Variants in FHOD3 observed in about 807,000 individuals in gnomAD.
FHOD3 encodes the protein formin homology 2 domain containing 3.
In FHOD3, 90 loss-of-function variants were observed where a neutral mutation model predicts 173.0. The ratio of observed to expected loss-of-function variants is 0.52; its 90% CI spans 0.44 to 0.62. The LOEUF is 0.62. Ranked by LOEUF, FHOD3 falls within the 20% of genes least tolerant of loss-of-function variation. FHOD3 has a pLI of 0.00. For synonymous variants in FHOD3, 828 were observed against 823.0 expected, an observed-to-expected ratio of 1.01 and a Z score of -0.10; for missense variants, 1,945 against 2,034.7, an observed-to-expected ratio of 0.96 and a Z score of 0.85.
In FHOD3 at chr18:36,746,906, C is replaced by T. The variant is rs375444474; in HGVS notation, c.4042-39C>T. On this transcript the variant is annotated intron_variant, in intron 23 of 28. Coordinates refer to ENST00000590592, the MANE Select transcript of FHOD3 (RefSeq NM_001281740.3). ...TCTCTCAGTTCAGGCTGGTGTCCGG[C>T]GGTTTCAGTGTTTGCAGTGTTCTCG... 133 of 1,504,342 alleles carry T rather than the reference C, an allele frequency of 8.8e-5. 1 individual carries two copies. Among genetic ancestry groups the T allele is most frequent in the Non-Finnish European group, 1.0e-4 (117 of 1,115,430 alleles). The allele number at this position is 1,504,342 out of a possible 1,614,324, so 93.2% of individuals were successfully genotyped here. A position where few individuals can be genotyped will look rare whatever the true frequency, so the allele number is the denominator to read the frequency against.
At chr18:36,613,369 G>A (rs921257519) in intron 9 of FHOD3, among the ~76,000 whole-genome samples, 14 of 152,172 alleles carry the variant, frequency 9.2e-5, no homozygotes, top group African/African-American at 2.9e-4. Context: ...TTCCCTGTGG[G>A]TTAATTTTAG....
chr18:36,702,598 C>T (rs1354931870), intron 17 of FHOD3, among the ~76,000 whole-genome samples: 1 of 152,186 alleles, frequency 6.6e-6, no homozygotes, highest in Non-Finnish European at 1.5e-5. Flanking sequence ...TAAGACCTGC[C>T]AGAAAGCCAA....
intron 5 of FHOD3, among the ~76,000 whole-genome samples, chr18:36,545,445 G>T (rs2057376527): frequency 6.6e-6 from 1 of 152,198 alleles, no homozygotes; most frequent in Non-Finnish European, 1.5e-5. Flanking sequence ...CCCAAAGAAT[G>T]GAGCCAGCTG....
chr18:36,300,977 A>G (rs1037257517), intron 1 of FHOD3, among the ~76,000 whole-genome samples: 1 of 152,068 alleles, frequency 6.6e-6, no homozygotes, highest in Non-Finnish European at 1.5e-5. Flanking sequence ...CTGAGCTCAA[A>G]GTGATCTGCC....
intron 22 of FHOD3, among the ~76,000 whole-genome samples, chr18:36,743,743 G>A (rs1226090575): frequency 6.6e-6 from 1 of 152,188 alleles, no homozygotes; most frequent in Non-Finnish European, 1.5e-5. Context: ...AAGGGAGGAA[G>A]AAGTAGATAG....
intron 6 of FHOD3, among the ~76,000 whole-genome samples, chr18:36,586,337 G>A (rs2059025883): frequency 6.6e-6 from 1 of 152,170 alleles, no homozygotes; most frequent in African/African-American, 2.4e-5. Flanking sequence ...TTGAAAATGG[G>A]AATGCTGCCA....
At chr18:36,409,166 C>A (rs1483820300) in intron 3 of FHOD3, among the ~76,000 whole-genome samples, 1 of 152,036 alleles carries the variant, frequency 6.6e-6, no homozygotes, top group Non-Finnish European at 1.5e-5. Flanking sequence ...CCATGGGAAA[C>A]CTTCTTGGGG....
In FHOD3 at chr18:36,637,868, G is replaced by A. The variant is rs996546812; in HGVS notation, c.1197-11448G>A. Reference sequence around the variant, plus strand: ...TGGGGACTAGCTAGATCAGTAAAACGTCTACTTTTGGATGATTTATGTTGT... The same window carrying A: ...TGGGGACTAGCTAGATCAGTAAAACATCTACTTTTGGATGATTTATGTTGT... On this transcript the variant is annotated intron_variant, in intron 10 of 28. Transcript: ENST00000590592. Among the ~76,000 whole-genome samples, 6 of 152,252 alleles carry A rather than the reference G, an allele frequency of 3.9e-5. No individual in the cohort carries two copies. The East Asian group carries it at 5.8e-4, about 15-fold the overall frequency.
intron 5 of FHOD3, among the ~76,000 whole-genome samples, chr18:36,567,736 G>A (rs1346839143): frequency 6.6e-6 from 1 of 152,168 alleles, no homozygotes; most frequent in Non-Finnish European, 1.5e-5. Flanking sequence ...GTGGACTTGG[G>A]TGTGGACAGA....
At chr18:36,322,296 G>A (rs542944159) in intron 1 of FHOD3, among the ~76,000 whole-genome samples, 1 of 152,256 alleles carries the variant, frequency 6.6e-6, no homozygotes, top group South Asian at 2.1e-4. Flanking sequence ...TTGGCCCTTT[G>A]GTGCACTGAG....
chr18:36,558,250 G>T (rs1311519416), intron 5 of FHOD3, among the ~76,000 whole-genome samples: 1 of 152,134 alleles, frequency 6.6e-6, no homozygotes, highest in Non-Finnish European at 1.5e-5. Context: ...GATGAGCTAT[G>T]CCAGGGTTCC....
chr18:36,316,893 G>A (rs1261595457), intron 1 of FHOD3, among the ~76,000 whole-genome samples: 1 of 151,662 alleles, frequency 6.6e-6, no homozygotes, highest in Non-Finnish European at 1.5e-5. Flanking sequence ...CCCCTGACAG[G>A]CCCCAGTGTG....
intron 1 of FHOD3, among the ~76,000 whole-genome samples, chr18:36,301,350 A>G (rs1460336697): frequency 6.6e-6 from 1 of 152,232 alleles, no homozygotes; most frequent in Non-Finnish European, 1.5e-5. Flanking sequence ...ATTTAATAAA[A>G]TTGTCATCTT....
intron 19 of FHOD3, among the ~76,000 whole-genome samples, chr18:36,720,735 T>TCTCCTC (rs138482898): frequency 0.49 from 72,498 of 148,136 alleles, 17,789 homozygotes; most frequent in South Asian, 0.54. Flanking sequence ...TCCTTCTTCT[T>TCTCCTC]CTCCTCCTCC....
chr18:36,370,010 AG>A (rs1410389547), intron 2 of FHOD3, among the ~76,000 whole-genome samples: 7 of 152,214 alleles, frequency 4.6e-5, no homozygotes, highest in Non-Finnish European at 2.9e-5. Context: ...AAATGGACAC[AG>A]AAGTAGTACC....
chr18:36,439,397 A>G (rs985647182), intron 3 of FHOD3, among the ~76,000 whole-genome samples: 4 of 152,154 alleles, frequency 2.6e-5, no homozygotes, highest in African/African-American at 9.7e-5. Flanking sequence ...AGAGGAGTCA[A>G]TGACTATTTG....
intron 10 of FHOD3, among the ~76,000 whole-genome samples, chr18:36,645,213 G>C (rs1023873232): frequency 2.0e-5 from 3 of 152,098 alleles, no homozygotes; most frequent in Non-Finnish European, 2.9e-5. Flanking sequence ...TTGAGGTTAG[G>C]AGTTCAAGAC....
At chr18:36,463,367 AAT>A in intron 3 of FHOD3, among the ~76,000 whole-genome samples, 1 of 480 alleles carries the variant, frequency 2.1e-3, no homozygotes, top group South Asian at 0.056. Context: ...TTAAAAAAAT[AAT>A]ATATATTTTT....
At chr18:36,313,968 G>A (rs1283863188) in intron 1 of FHOD3, among the ~76,000 whole-genome samples, 1 of 151,360 alleles carries the variant, frequency 6.6e-6, no homozygotes, top group African/African-American at 2.4e-5. Context: ...CTGCAGCCTC[G>A]ACCTCCTAGG....
Sources: allele counts gnomAD v4.1 joint callset (sites outside exome capture counted in the v4.1 genomes callset), GRCh38; gene constraint gnomAD v4.1.1; transcripts MANE v1.5; gene names NCBI Gene and HGNC (gene_info 2026-07-23, HGNC 2026-07-21).